FGF12: variants seen among roughly 807,000 people sequenced by gnomAD.
FGF12 encodes the protein fibroblast growth factor 12B.
A neutral mutation model predicts 23.6 loss-of-function variants in FGF12; 14 were observed. That is an observed-to-expected ratio of 0.59 (90% CI 0.39 to 0.93). The LOEUF is 0.93. FGF12 is among the 40% of genes least tolerant of loss of function. The pLI is 0.00. For synonymous variants in FGF12, 62 were observed against 77.3 expected, an observed-to-expected ratio of 0.80 and a Z score of 1.04; for missense variants, 175 against 217.8, an observed-to-expected ratio of 0.80 and a Z score of 1.24.
intron 4 of FGF12, among the ~76,000 whole-genome samples, chr3:192,321,641 A>G (rs923817330): frequency 6.6e-6 from 1 of 152,158 alleles, no homozygotes; most frequent in South Asian, 2.1e-4. Context: ...GATTTATCCC[A>G]GGTATGCAAG....
chr3:192,507,984 C>G (rs1724363501), intron 2 of FGF12, among the ~76,000 whole-genome samples: 1 of 152,126 alleles, frequency 6.6e-6, no homozygotes, highest in Non-Finnish European at 1.5e-5. Flanking sequence ...CCAAGTTAAG[C>G]AAATAATTAG....
intron 2 of FGF12, among the ~76,000 whole-genome samples, chr3:192,699,821 C>T (rs1265493663): frequency 6.6e-6 from 1 of 152,200 alleles, no homozygotes; most frequent in African/African-American, 2.4e-5. Flanking sequence ...AGTTCTCTCT[C>T]CAGCACTCTC....
At chr3:192,583,864 T>A (rs1331926904) in intron 2 of FGF12, among the ~76,000 whole-genome samples, 1 of 152,242 alleles carries the variant, frequency 6.6e-6, no homozygotes, top group Non-Finnish European at 1.5e-5. Context: ...TTTTTCTCTG[T>A]TAATTTAAAT....
At chr3:192,361,535 C>A (rs1718727024) in intron 2 of FGF12, among the ~76,000 whole-genome samples, 1 of 152,158 alleles carries the variant, frequency 6.6e-6, no homozygotes, top group South Asian at 2.1e-4. Context: ...GCTGAAGTAA[C>A]AACATGGTAT....
intron 2 of FGF12, among the ~76,000 whole-genome samples, chr3:192,654,030 T>C (rs1006796687): frequency 3.3e-5 from 5 of 152,184 alleles, no homozygotes; most frequent in African/African-American, 4.8e-5. Flanking sequence ...CTGGCCTCAT[T>C]TGAAGCTTCT....
intron 4 of FGF12, among the ~76,000 whole-genome samples, chr3:192,218,609 G>A (rs867880591): frequency 7.2e-5 from 11 of 152,262 alleles, no homozygotes; most frequent in Middle Eastern, 6.8e-3. Flanking sequence ...CCCAGAAGGA[G>A]AAGCCTATAC....
rs80237090 is a variant in FGF12 at position 192,190,213 on chromosome 3, C to T, written c.229-19557G>A. 3.3e-3 allele frequency among the ~76,000 whole-genome samples: 502 copies of T among 152,248 alleles called. 8 individuals carry two copies. The highest frequency in any genetic ancestry group is 0.031 in the East Asian group (162 of 5,184). On this transcript the variant is annotated intron_variant, in intron 4 of 5. Coordinates refer to ENST00000445105, the MANE Select transcript of FGF12 (RefSeq NM_004113.6). ...GCTTTATAGTTATTATATAACAATA[C>T]ATCTTCCCATAACAAGCATACAAAC...
intron 2 of FGF12, among the ~76,000 whole-genome samples, chr3:192,582,699 A>C (rs1422071727): frequency 6.6e-6 from 1 of 152,162 alleles, no homozygotes; most frequent in African/African-American, 2.4e-5. Flanking sequence ...AGAAAAAAAA[A>C]AATCCTTATC....
At chr3:192,232,576 G>A (rs1036491110) in intron 4 of FGF12, among the ~76,000 whole-genome samples, 1 of 148,006 alleles carries the variant, frequency 6.8e-6, no homozygotes, top group African/African-American at 2.5e-5. Flanking sequence ...AGGTCCAGGG[G>A]GTACATGTGC....
intron 4 of FGF12, among the ~76,000 whole-genome samples, chr3:192,288,373 G>T (rs1007758255): frequency 6.6e-6 from 1 of 152,058 alleles, no homozygotes; most frequent in African/African-American, 2.4e-5. Flanking sequence ...TATCGTTTAA[G>T]AGAAAGACAA....
chr3:192,715,151 A>G (rs1718827801), intron 2 of FGF12, among the ~76,000 whole-genome samples: 1 of 152,186 alleles, frequency 6.6e-6, no homozygotes, highest in African/African-American at 2.4e-5. Flanking sequence ...AAGACCTAGG[A>G]ATCTAATTTT....
chr3:192,609,634 T>C (rs931303212), intron 2 of FGF12, among the ~76,000 whole-genome samples: 1 of 152,090 alleles, frequency 6.6e-6, no homozygotes, highest in African/African-American at 2.4e-5. Context: ...AGTTACCGTG[T>C]TAGGGGCAAG....
At chr3:192,161,441 C>T (rs537962387) in intron 5 of FGF12, among the ~76,000 whole-genome samples, 1 of 151,778 alleles carries the variant, frequency 6.6e-6, no homozygotes, top group East Asian at 1.9e-4. Flanking sequence ...CACACAAATA[C>T]ACACACACAC....
intron 4 of FGF12, among the ~76,000 whole-genome samples, chr3:192,218,695 G>C (rs73191597): frequency 0.048 from 7,271 of 152,264 alleles, 239 homozygotes; most frequent in South Asian, 0.08. Context: ...CTTTACAGCA[G>C]TGCAAGAATG....
chr3:192,373,657 T>C (rs1301660364), intron 2 of FGF12, among the ~76,000 whole-genome samples: 1 of 152,198 alleles, frequency 6.6e-6, no homozygotes, highest in Non-Finnish European at 1.5e-5. Context: ...AAACATGGGT[T>C]GGGTGCTATA....
intron 2 of FGF12, among the ~76,000 whole-genome samples, chr3:192,490,186 T>C (rs1006992554): frequency 6.6e-6 from 1 of 152,040 alleles, no homozygotes; most frequent in African/African-American, 2.4e-5. Context: ...TGTGTTTCTC[T>C]TTAAATCTGC....
At chr3:192,210,901 G>A (rs1450524417) in intron 4 of FGF12, among the ~76,000 whole-genome samples, 3 of 152,184 alleles carry the variant, frequency 2.0e-5, no homozygotes, top group African/African-American at 4.8e-5. Flanking sequence ...AGGCCAGGGT[G>A]GCTGGAGGCA....
chr3:192,199,007 A>T (rs1167074653), intron 4 of FGF12, among the ~76,000 whole-genome samples: 1 of 152,240 alleles, frequency 6.6e-6, no homozygotes, highest in African/African-American at 2.4e-5. Context: ...ACAAAGACTA[A>T]TCAGAATAAT....
chr3:192,400,588 C>T (rs188716920), intron 2 of FGF12, among the ~76,000 whole-genome samples: 134 of 152,066 alleles, frequency 8.8e-4, no homozygotes, highest in African/African-American at 3.1e-3. Flanking sequence ...AGGCTGGTCT[C>T]GAACTCCTGA....
Sources: allele counts gnomAD v4.1 joint callset (sites outside exome capture counted in the v4.1 genomes callset), GRCh38; gene constraint gnomAD v4.1.1; transcripts MANE v1.5; gene names NCBI Gene and HGNC (gene_info 2026-07-23, HGNC 2026-07-21).